DPP6: variants seen among roughly 807,000 people sequenced by gnomAD.
The protein encoded by DPP6 is A-type potassium channel modulatory protein DPP6.
A neutral mutation model predicts 122.6 loss-of-function variants in DPP6; 69 were observed. The observed-to-expected ratio is 0.56, with a 90% CI of 0.46 to 0.69. The LOEUF is 0.69. Among genes scored for constraint, DPP6 ranks in the 30% least tolerant of loss-of-function variants. The probability of loss-of-function intolerance (pLI) is 0.00; values close to 1 mark genes in which losing one functional copy is unlikely to be tolerated. For missense variants in DPP6, 928 were observed against 1,116.9 expected (o/e 0.83, Z 2.41); for synonymous variants, 418 against 433.1 (o/e 0.97, Z 0.43).
intron 1 of DPP6, among the ~76,000 whole-genome samples, chr7:154,350,921 G>A (rs1474449220): frequency 3.9e-5 from 6 of 152,184 alleles, no homozygotes; most frequent in African/African-American, 7.2e-5. Context: ...TCATAAGGAT[G>A]TAGAAATTGC....
At chr7:153,891,949 T>G (rs146175306) in intron 1 of DPP6, among the ~76,000 whole-genome samples, 1 of 152,216 alleles carries the variant, frequency 6.6e-6, no homozygotes, top group Non-Finnish European at 1.5e-5. Flanking sequence ...CACTGTTGAT[T>G]GTTGTTGGTT....
chr7:154,704,477 A>G (rs1840710966), intron 7 of DPP6, among the ~76,000 whole-genome samples: 2 of 152,214 alleles, frequency 1.3e-5, no homozygotes, highest in Admixed American at 1.3e-4. Context: ...AATGCAATCA[A>G]ATAGGATTGG....
At chr7:154,829,995 C>T (rs1003726639) in intron 16 of DPP6, among the ~76,000 whole-genome samples, 13 of 152,144 alleles carry the variant, frequency 8.5e-5, no homozygotes, top group East Asian at 1.9e-4. Context: ...TTGCCGCTGC[C>T]GTTCTCACCA....
intron 6 of DPP6, among the ~76,000 whole-genome samples, chr7:154,641,643 C>T (rs183734796): frequency 6.6e-6 from 1 of 152,172 alleles, no homozygotes. Context: ...TATACACACA[C>T]ATATACATAA....
At chr7:154,202,311 G>A (rs1242877784) in intron 1 of DPP6, among the ~76,000 whole-genome samples, 1 of 152,152 alleles carries the variant, frequency 6.6e-6, no homozygotes, top group African/African-American at 2.4e-5. Context: ...TCCATTGGAG[G>A]AGTAAAAATA....
Position 154,127,642 on chromosome 7 carries a change from C to CAG in DPP6, c.243+74580_243+74581insGA, listed in dbSNP as rs1563225918. On this transcript the variant is annotated intron_variant, in intron 1 of 25. Coordinates refer to ENST00000377770, the MANE Select transcript of DPP6 (RefSeq NM_130797.4). ...ACACACACACACACACAGACACACA[C>CAG]ACACACACAGACACACACACACACA... Among the ~76,000 whole-genome samples, 207 of 129,526 alleles carry CAG rather than the reference C, an allele frequency of 1.6e-3. 1 individual carries two copies. The highest frequency in any genetic ancestry group is 5.9e-3 in the African/African-American group (197 of 33,224). 85.0% of individuals were successfully genotyped at this position (129,526 alleles called of 152,430 possible). A position where few individuals can be genotyped will look rare whatever the true frequency, so the allele number is the denominator to read the frequency against.
intron 1 of DPP6, among the ~76,000 whole-genome samples, chr7:153,985,239 C>T (rs181265411): frequency 6.6e-5 from 10 of 152,270 alleles, no homozygotes; most frequent in Non-Finnish European, 1.3e-4. Flanking sequence ...AGAGGTGAGA[C>T]ACTTTGAAGG....
At chr7:154,873,764 ACG>A (rs1491582345) in intron 19 of DPP6, among the ~76,000 whole-genome samples, 3 of 151,810 alleles carry the variant, frequency 2.0e-5, no homozygotes, top group African/African-American at 2.4e-5. Context: ...ACACAGGCAC[ACG>A]CACATGCACA....
At chr7:154,752,751 G>A (rs1004041187) in intron 8 of DPP6, among the ~76,000 whole-genome samples, 6 of 152,228 alleles carry the variant, frequency 3.9e-5, no homozygotes, top group East Asian at 1.9e-4. Flanking sequence ...TCTGTTCTAG[G>A]ATGTGGATGG....
At chr7:153,764,707 ACC>A in the DPP6 span, among the ~76,000 whole-genome samples, 4 of 150,652 alleles carry the variant, frequency 2.7e-5, no homozygotes, top group African/African-American at 9.7e-5. Context: ...TCCTGTCTTT[ACC>A]CTCTTCTGGT....
intron 6 of DPP6, among the ~76,000 whole-genome samples, chr7:154,656,289 T>G (rs1353623180): frequency 3.5e-3 from 12 of 3,438 alleles, no homozygotes; most frequent in Non-Finnish European, 4.8e-3. Flanking sequence ...GAGAGGGAGG[T>G]CGGGGGAGAG....
At chr7:153,878,334 G>A in the DPP6 span, among the ~76,000 whole-genome samples, 2 of 151,746 alleles carry the variant, frequency 1.3e-5, no homozygotes, top group Admixed American at 6.6e-5. Context: ...AGACTGTAAT[G>A]AGAATGGTCA....
rs200800963 is a variant in DPP6, at chr7:154,559,223, T to TA, written c.553-7605dup. Reference sequence around the variant, plus strand: ...ACACCCAGATAAAATTTCCAGAGATTAAAAAAAAAAAAAATTCTCTAGATG... The same window carrying TA: ...ACACCCAGATAAAATTTCCAGAGATTAAAAAAAAAAAAAAATTCTCTAGATG... On this transcript the variant is annotated intron_variant, in intron 4 of 25. Transcript: ENST00000377770. 3.4e-3 allele frequency among the ~76,000 whole-genome samples: 348 copies of TA among 102,300 alleles called. 3 individuals carry two copies. The highest frequency in any genetic ancestry group is 0.016 in the Admixed American group (164 of 10,440). 67.1% of individuals were successfully genotyped at this position (102,300 alleles called of 152,430 possible). A position where few individuals can be genotyped will look rare whatever the true frequency, so the allele number is the denominator to read the frequency against.
Position 154,822,356 on chromosome 7 carries a change from C to T in DPP6, c.1666+15244C>T, listed in dbSNP as rs182214711. Among the ~76,000 whole-genome samples, 154 of 152,304 alleles carry T rather than the reference C, an allele frequency of 1.0e-3. 2 individuals carry two copies. The Middle Eastern group carries it at 0.01, about 10-fold the overall frequency. Reference sequence around the variant, plus strand: ...CTGGTGAGGGCGTGCTATCTCGCTGCGTCCTCACATGGTGGAAGGGGCAAG... The same window carrying T: ...CTGGTGAGGGCGTGCTATCTCGCTGTGTCCTCACATGGTGGAAGGGGCAAG... On this transcript the variant is annotated intron_variant, in intron 16 of 25. Transcript: ENST00000377770.
At chr7:154,585,151 A>G (rs913876126) in intron 5 of DPP6, among the ~76,000 whole-genome samples, 4 of 152,158 alleles carry the variant, frequency 2.6e-5, no homozygotes, top group African/African-American at 9.7e-5. Flanking sequence ...CTAGAAGGTC[A>G]TATAAATGGC....
intron 1 of DPP6, among the ~76,000 whole-genome samples, chr7:153,902,997 A>C (rs1290123585): frequency 2.6e-5 from 4 of 152,200 alleles, no homozygotes; most frequent in East Asian, 1.9e-4. Context: ...TAACCGCTAC[A>C]ATAGCCAGCA....
At chr7:154,852,106 ACTCTGGGGC>A (rs1802436324) in intron 16 of DPP6, among the ~76,000 whole-genome samples, 1 of 152,026 alleles carries the variant, frequency 6.6e-6, no homozygotes, top group African/African-American at 2.4e-5. Context: ...TAGGGTGTCC[ACTCTGGGGC>A]CTCTGCAGTG....
intron 1 of DPP6, among the ~76,000 whole-genome samples, chr7:154,021,051 T>C (rs1798673948): frequency 1.3e-5 from 2 of 152,072 alleles, no homozygotes; most frequent in African/African-American, 4.8e-5. Flanking sequence ...TGCCGGGGAA[T>C]AGCATCATTC....
chr7:154,210,319 TCCAGTGACCTG>T (rs1361214086), intron 1 of DPP6, among the ~76,000 whole-genome samples: 2 of 152,112 alleles, frequency 1.3e-5, no homozygotes, highest in Non-Finnish European at 2.9e-5. Context: ...ACCTGTCCTT[TCCAGTGACCTG>T]CCACGGTGCC....
Sources: allele counts gnomAD v4.1 joint callset (sites outside exome capture counted in the v4.1 genomes callset), GRCh38; gene constraint gnomAD v4.1.1; transcripts MANE v1.5; gene names NCBI Gene and HGNC (gene_info 2026-07-23, HGNC 2026-07-21).